MINDY4: variants seen among roughly 807,000 people sequenced by gnomAD.
MINDY4 encodes MINDY lysine 48 deubiquitinase 4.
In MINDY4, 68 loss-of-function variants were observed where a neutral mutation model predicts 87.0. The observed-to-expected ratio is 0.78, with a 90% CI of 0.64 to 0.96. MINDY4 has a LOEUF of 0.96. Ranked by LOEUF, MINDY4 falls within the 40% of genes least tolerant of loss-of-function variation. MINDY4 has a pLI of 0.00. For synonymous variants in MINDY4, 379 were observed against 363.2 expected (o/e 1.04, Z -0.50); for missense variants, 919 against 928.2 (o/e 0.99, Z 0.13).
chr7:30,782,362 G>A (rs537603927), intron 3 of MINDY4, 150 bp downstream of exon 3: 2 of 663,326 alleles, frequency 3.0e-6, no homozygotes, highest in South Asian at 1.9e-5. Flanking sequence ...GTGTGTGTGT[G>A]TGTGTGTGTG....
chr7:30,818,729 TGGG>T (rs995052157), intron 5 of MINDY4, among the ~76,000 whole-genome samples: 1 of 152,176 alleles, frequency 6.6e-6, no homozygotes, highest in Non-Finnish European at 1.5e-5. Context: ...GGGCTGGAAA[TGGG>T]GGTGAATTTT....
At chr7:30,830,815 G>C (rs1391586889) in intron 6 of MINDY4, among the ~76,000 whole-genome samples, 2 of 152,322 alleles carry the variant, frequency 1.3e-5, no homozygotes, top group East Asian at 1.9e-4. Flanking sequence ...GCAAGGTCTT[G>C]TCAAATAGCG....
intron 5 of MINDY4, among the ~76,000 whole-genome samples, chr7:30,805,279 G>T (rs553406536): frequency 1.3e-5 from 2 of 152,306 alleles, no homozygotes; most frequent in Admixed American, 6.5e-5. Context: ...AGGAAGGGGA[G>T]GTTGGGCAGG....
intron 1 of MINDY4, among the ~76,000 whole-genome samples, chr7:30,773,251 A>C (rs1382201227): frequency 1.3e-5 from 2 of 152,208 alleles, no homozygotes; most frequent in Non-Finnish European, 2.9e-5. Context: ...GGTGCCAGGT[A>C]CCTAGAAGGT....
chr7:30,831,052 T>TA (rs1788686230), intron 6 of MINDY4, among the ~76,000 whole-genome samples: 1 of 152,170 alleles, frequency 6.6e-6, no homozygotes, highest in Non-Finnish European at 1.5e-5. Context: ...TTGGGGGCTA[T>TA]ATCTGGACTT....
chr7:30,846,802 A>ACATTTAT (rs1378633928), intron 9 of MINDY4, among the ~76,000 whole-genome samples: 1 of 152,182 alleles, frequency 6.6e-6, no homozygotes, highest in East Asian at 1.9e-4. Context: ...CAAGTGCATT[A>ACATTTAT]CATTTATCAT....
rs200117017 is a variant in MINDY4, at chr7:30,828,731, C to T, written c.1126C>T (p.Arg376Trp). The change falls in exon 6 of 18, where the codon CGG becomes TGG. Residue 376 changes from arginine to tryptophan, a missense_variant. Coordinates refer to ENST00000265299, the MANE Select transcript of MINDY4 (RefSeq NM_032222.3). Reference protein sequence around the residue: ...DKVDGELGALRLEDVEDELIR... With the variant: ...DKVDGELGALWLEDVEDELIR... ...GGTGGATGGTGAGCTGGGTGCCCTG[C>T]GGCTCGGTAGGTGCAGCGGGTGCCT... 1.2e-4 allele frequency: 201 copies of T among 1,612,840 alleles called. No homozygotes were observed. The Admixed American group carries it at 1.6e-3, about 13-fold the overall frequency.
At chr7:30,876,204 A>G (rs935636788) in intron 15 of MINDY4, among the ~76,000 whole-genome samples, 1 of 152,094 alleles carries the variant, frequency 6.6e-6, no homozygotes, top group Non-Finnish European at 1.5e-5. Context: ...TTCCTCGACC[A>G]TATAGTGATG....
Position 30,771,420 on chromosome 7 carries a change from C to G in MINDY4, c.-74C>G. On this transcript the variant is annotated 5_prime_UTR_variant, in exon 1 of 18. Transcript: ENST00000265299. ...CCGTCGCCACGGCAACGCGGCCATACTGCGCCGGACAGACCCAGTTGCCTG... is the reference window on the plus strand; with the variant it reads ...CCGTCGCCACGGCAACGCGGCCATAGTGCGCCGGACAGACCCAGTTGCCTG... 4 of 1,476,632 alleles carry G rather than the reference C, an allele frequency of 2.7e-6. No individual in the cohort carries two copies. The highest frequency in any genetic ancestry group is 3.7e-6 in the Non-Finnish European group (4 of 1,094,306). 91.5% of individuals were successfully genotyped at this position (1,476,632 alleles called of 1,614,324 possible). A position where few individuals can be genotyped will look rare whatever the true frequency, so the allele number is the denominator to read the frequency against.
At chr7:30,874,398 G>C (rs1790198950) in intron 14 of MINDY4, among the ~76,000 whole-genome samples, 1 of 152,248 alleles carries the variant, frequency 6.6e-6, no homozygotes, top group South Asian at 2.1e-4. Flanking sequence ...CTAATGGGCT[G>C]TGTGGCTTGA....
At chr7:30,797,894 G>A (rs1328996561) in intron 5 of MINDY4, among the ~76,000 whole-genome samples, 1 of 152,080 alleles carries the variant, frequency 6.6e-6, no homozygotes, top group African/African-American at 2.4e-5. Context: ...TAGAATATGG[G>A]TGTATACATA....
intron 17 of MINDY4, among the ~76,000 whole-genome samples, chr7:30,885,410 G>A (rs1233441656): frequency 6.6e-6 from 1 of 152,174 alleles, no homozygotes; most frequent in Non-Finnish European, 1.5e-5. Context: ...TACTTGGGAG[G>A]CTGAGGCAGG....
chr7:30,815,724 C>G (rs545923438), intron 5 of MINDY4, among the ~76,000 whole-genome samples: 7 of 152,152 alleles, frequency 4.6e-5, no homozygotes, highest in Non-Finnish European at 8.8e-5. Context: ...TCTACCCACC[C>G]TTTCACTGCC....
intron 15 of MINDY4, 25 bp downstream of exon 15, chr7:30,875,681 C>G (rs745942487): frequency 6.3e-7 from 1 of 1,583,986 alleles, no homozygotes; most frequent in South Asian, 1.2e-5. Flanking sequence ...ACGTTCACCA[C>G]AAGTAGGGGA....
intron 8 of MINDY4, among the ~76,000 whole-genome samples, chr7:30,840,348 G>T (rs1411435345): frequency 6.6e-6 from 1 of 152,216 alleles, no homozygotes; most frequent in African/African-American, 2.4e-5. Flanking sequence ...ACTGCCAGCC[G>T]AGATGGTCAG....
At chr7:30,864,426 T>C (rs1789865412) in intron 13 of MINDY4, among the ~76,000 whole-genome samples, 1 of 152,278 alleles carries the variant, frequency 6.6e-6, no homozygotes, top group Non-Finnish European at 1.5e-5. Context: ...AGCTACTGAC[T>C]GATTCCTATC....
At chr7:30,819,533 T>A (rs932687269) in intron 5 of MINDY4, among the ~76,000 whole-genome samples, 2 of 152,328 alleles carry the variant, frequency 1.3e-5, no homozygotes, top group East Asian at 3.9e-4. Flanking sequence ...TTCTTATTAA[T>A]GTTATTTTTC....
intron 15 of MINDY4, among the ~76,000 whole-genome samples, chr7:30,877,658 C>T (rs1790302585): frequency 6.9e-6 from 1 of 145,450 alleles, no homozygotes; most frequent in Non-Finnish European, 1.5e-5. Flanking sequence ...CAAAGCCCTT[C>T]CCTCTTCTTC....
intron 9 of MINDY4, among the ~76,000 whole-genome samples, 161 bp from the exon 10 acceptor site, chr7:30,850,293 G>A (rs1185637528): frequency 6.6e-6 from 1 of 152,222 alleles, no homozygotes; most frequent in Non-Finnish European, 1.5e-5. Context: ...CCTCTTTCCT[G>A]GGCTTTGCCT....
Sources: gnomAD v4.1 joint callset for allele counts (sites outside exome capture counted in the v4.1 genomes callset) on GRCh38, gnomAD v4.1.1 for gene constraint, MANE v1.5 for transcripts, NCBI Gene and HGNC (gene_info 2026-07-23, HGNC 2026-07-21) for gene names.